Variants in ARHGAP24 observed in about 807,000 individuals in gnomAD.
The protein encoded by ARHGAP24 is rho GTPase-activating protein 24.
ARHGAP24 carries 50 observed loss-of-function variants against 76.4 expected under a neutral mutation model. The observed-to-expected ratio is 0.65, with a 90% CI of 0.52 to 0.83. The LOEUF (loss-of-function observed/expected upper bound fraction) is 0.83, where lower values mean the gene tolerates loss of function less well. ARHGAP24 is among the 40% of genes least tolerant of loss of function. The pLI is 0.00. For synonymous variants in ARHGAP24, 345 were observed against 323.3 expected, an observed-to-expected ratio of 1.07 and a Z score of -0.72; for missense variants, 930 against 914.2, an observed-to-expected ratio of 1.02 and a Z score of -0.22.
intron 3 of ARHGAP24, among the ~76,000 whole-genome samples, chr4:85,895,014 A>G: frequency 1.1e-5 from 1 of 94,144 alleles, no homozygotes; most frequent in Non-Finnish European, 2.2e-5. Context: ...AAAAAAAAAA[A>G]AAAAAAAGAA....
chr4:85,928,248 C>G (rs1271687509), intron 4 of ARHGAP24, among the ~76,000 whole-genome samples: 1 of 151,712 alleles, frequency 6.6e-6, no homozygotes, highest in African/African-American at 2.4e-5. Flanking sequence ...CTTCTTCCTC[C>G]CTCCCAACCT....
At chr4:85,810,278 C>A (rs930990955) in intron 3 of ARHGAP24, among the ~76,000 whole-genome samples, 20 of 152,272 alleles carry the variant, frequency 1.3e-4, no homozygotes, top group African/African-American at 4.6e-4. Context: ...GATTCTATTT[C>A]TTCACATGTG....
intron 5 of ARHGAP24, among the ~76,000 whole-genome samples, chr4:85,957,196 G>A (rs1383761995): frequency 1.3e-5 from 2 of 152,136 alleles, no homozygotes; most frequent in Non-Finnish European, 2.9e-5. Flanking sequence ...TCACCCTCAT[G>A]ATTTTAGCCA....
intron 2 of ARHGAP24, among the ~76,000 whole-genome samples, chr4:85,616,983 A>G (rs1485951998): frequency 6.6e-6 from 1 of 151,352 alleles, no homozygotes. Flanking sequence ...AGAAATAAAC[A>G]TTTGCATTTA....
At chr4:85,659,560 G>A (rs1722302934) in intron 2 of ARHGAP24, among the ~76,000 whole-genome samples, 1 of 152,030 alleles carries the variant, frequency 6.6e-6, no homozygotes, top group South Asian at 2.1e-4. Context: ...CCATATTAAT[G>A]TTCTCCTCCC....
chr4:85,592,876 A>G (rs926755536), intron 2 of ARHGAP24, among the ~76,000 whole-genome samples: 1 of 152,186 alleles, frequency 6.6e-6, no homozygotes, highest in African/African-American at 2.4e-5. Flanking sequence ...TTCTTTATCT[A>G]TTCAACTGTT....
chr4:85,999,982 A>G (rs113674276), intron 9 of ARHGAP24: 4,204 of 163,366 alleles, frequency 0.026, 82 homozygotes, highest in Non-Finnish European at 0.038. Flanking sequence ...GGGACTCTAT[A>G]TGCTGCCAAA....
rs374690268 is a variant in ARHGAP24 at position 85,824,130 on chromosome 4, T to G, written c.269-99518T>G. Among the ~76,000 whole-genome samples, 477 of 152,328 alleles carry G rather than the reference T, an allele frequency of 3.1e-3. 6 individuals carry two copies. In the Middle Eastern group the frequency reaches 0.038, roughly 12 times the overall value. On this transcript the variant is annotated intron_variant, in intron 3 of 9. Coordinates refer to ENST00000395184, the MANE Select transcript of ARHGAP24 (RefSeq NM_001025616.3). ...TATAGCTGTGCCACATTTTCTAGAA[T>G]AGGTTAAGAGACCTCATACAGATTA... is the stretch of plus-strand genomic sequence containing the variant.
At chr4:85,704,350 A>C (rs1205016819) in intron 2 of ARHGAP24, among the ~76,000 whole-genome samples, 2 of 152,178 alleles carry the variant, frequency 1.3e-5, no homozygotes, top group Non-Finnish European at 2.9e-5. Context: ...TTTTCTAAAA[A>C]TGCTTATGAG....
intron 5 of ARHGAP24, among the ~76,000 whole-genome samples, chr4:85,945,545 T>C (rs1427561516): frequency 6.6e-6 from 1 of 151,890 alleles, no homozygotes; most frequent in East Asian, 1.9e-4. Context: ...GGGAGGATCA[T>C]GAGGTCAGGA....
At chr4:85,620,739 A>C (rs1720689989) in intron 2 of ARHGAP24, among the ~76,000 whole-genome samples, 1 of 151,734 alleles carries the variant, frequency 6.6e-6, no homozygotes, top group African/African-American at 2.4e-5. Context: ...GTACAATCTT[A>C]GGTTACTTAT....
chr4:85,757,629 G>A (rs772650919), intron 3 of ARHGAP24, among the ~76,000 whole-genome samples: 1 of 152,090 alleles, frequency 6.6e-6, no homozygotes, highest in Non-Finnish European at 1.5e-5. Flanking sequence ...ATGGACATTT[G>A]GGTTGGTTCC....
intron 2 of ARHGAP24, among the ~76,000 whole-genome samples, chr4:85,614,703 T>C (rs1720492203): frequency 1.3e-5 from 2 of 152,130 alleles, no homozygotes; most frequent in African/African-American, 4.8e-5. Context: ...TAGTAATCAG[T>C]TGGAATTAAT....
chr4:85,900,679 G>T (rs1339529475), intron 3 of ARHGAP24, among the ~76,000 whole-genome samples: 2 of 152,112 alleles, frequency 1.3e-5, no homozygotes, highest in Admixed American at 6.6e-5. Flanking sequence ...ACCTGCCTCG[G>T]CCTCCCAAAG....
intron 3 of ARHGAP24, among the ~76,000 whole-genome samples, chr4:85,823,183 T>C (rs1729556277): frequency 6.6e-6 from 1 of 152,080 alleles, no homozygotes; most frequent in Non-Finnish European, 1.5e-5. Flanking sequence ...AGAAAGAAAA[T>C]AAAATTGCTG....
At position 85,977,542 on chromosome 4, in the gene ARHGAP24, A is replaced by G. The variant is rs762166144; in HGVS notation, c.807-28A>G. 6 of 1,610,240 alleles carry G rather than the reference A, an allele frequency of 3.7e-6. No homozygotes were observed. The Admixed American group carries it at 1.0e-4, about 27-fold the overall frequency. On this transcript the variant is annotated intron_variant, in intron 7 of 9. Transcript: ENST00000395184. ...CCACTGGCAAATTTGATCCCATTGTATTTCAATCATATGCTTATACTCCAT... is the reference window on the plus strand; with the variant it reads ...CCACTGGCAAATTTGATCCCATTGTGTTTCAATCATATGCTTATACTCCAT...
At chr4:85,853,417 AC>A (rs1260579284) in intron 3 of ARHGAP24, among the ~76,000 whole-genome samples, 2 of 151,988 alleles carry the variant, frequency 1.3e-5, no homozygotes, top group African/African-American at 4.8e-5. Flanking sequence ...AAATCTTCTG[AC>A]CCCTTGTGCT....
chr4:85,919,894 A>G (rs552190845), intron 3 of ARHGAP24, among the ~76,000 whole-genome samples: 1 of 152,340 alleles, frequency 6.6e-6, no homozygotes, highest in Admixed American at 6.5e-5. Context: ...GGATCAGAAT[A>G]CAAAATTGAT....
chr4:85,796,877 C>T (rs549121510), intron 3 of ARHGAP24, among the ~76,000 whole-genome samples: 1 of 152,170 alleles, frequency 6.6e-6, no homozygotes, highest in South Asian at 2.1e-4. Context: ...TTGAAATTAG[C>T]CCTCCAGAGT....
Sources: gnomAD v4.1 joint callset for allele counts (sites outside exome capture counted in the v4.1 genomes callset) on GRCh38, gnomAD v4.1.1 for gene constraint, MANE v1.5 for transcripts, NCBI Gene and HGNC (gene_info 2026-07-23, HGNC 2026-07-21) for gene names.